The following FNDC3A variants were observed in gnomAD, a reference collection of about 807,000 sequenced individuals.
FNDC3A encodes the protein fibronectin type III domain containing 3A, also known as fibronectin type-III domain-containing protein 3A.
Under a neutral mutation model 148.9 loss-of-function variants are expected in FNDC3A, and 32 were observed. The observed-to-expected ratio is 0.21, with a 90% confidence interval of 0.16 to 0.29. The LOEUF (loss-of-function observed/expected upper bound fraction) is 0.29. Ranked by LOEUF, FNDC3A falls within the 10% of genes least tolerant of loss-of-function variation. The pLI is 1.00. For missense variants in FNDC3A, 1,191 were observed against 1,452.8 expected, an observed-to-expected ratio of 0.82 and a Z score of 2.93; for synonymous variants, 472 against 473.6, an observed-to-expected ratio of 1.00 and a Z score of 0.04.
At position 49,081,724 on chromosome 13, in the gene FNDC3A, T is replaced by C. The variant is rs976135362; in HGVS notation, c.175+6360T>C. Among the ~76,000 whole-genome samples the C allele has an allele frequency of 3.3e-5, 5 of 152,180 alleles. No homozygotes were observed. The East Asian group carries it at 9.6e-4, about 29-fold the overall frequency. ...CATTATAATTTTTCTGCAAAGTGGC[T>C]TCTACAAAAACAAAGACCTTATATT... On this transcript the variant is annotated intron_variant, in intron 3 of 25. Transcript: ENST00000492622.
At chr13:49,057,811 A>G (rs1876362289) in intron 2 of FNDC3A, among the ~76,000 whole-genome samples, 1 of 152,194 alleles carries the variant, frequency 6.6e-6, no homozygotes, top group Non-Finnish European at 1.5e-5. Flanking sequence ...ATTTTGTTTT[A>G]GTTAACTAGC....
chr13:49,137,128 A>G (rs1332679906), intron 6 of FNDC3A, among the ~76,000 whole-genome samples: 1 of 152,048 alleles, frequency 6.6e-6, no homozygotes, highest in Non-Finnish European at 1.5e-5. Context: ...TCCCCAACCT[A>G]TCAAAACTTT....
chr13:49,145,231 G>C (rs1436007001), intron 7 of FNDC3A, among the ~76,000 whole-genome samples: 3 of 152,124 alleles, frequency 2.0e-5, no homozygotes, highest in Admixed American at 2.0e-4. Context: ...ACCACACTTA[G>C]AGAGTGCCAT....
At chr13:49,024,367 C>T (rs538599484) in intron 2 of FNDC3A, among the ~76,000 whole-genome samples, 8 of 151,968 alleles carry the variant, frequency 5.3e-5, no homozygotes, top group Admixed American at 3.9e-4. Context: ...TGTTCCTAAC[C>T]ATTTCCATGA....
chr13:49,045,061 TTTTCCTTTCCCTTTCCC>T lies in FNDC3A; in HGVS notation c.100-30207_100-30191del, dbSNP rs1436490163. ...CTTTCCCTTTTCCTTTCCCTTTCCC[TTTTCCTTTCCCTTTCCC>T]TTTCCTTTCCCTTTCCCTTTGCCTT... On this transcript the variant is annotated intron_variant, in intron 2 of 25. Coordinates refer to ENST00000492622, the MANE Select transcript of FNDC3A (RefSeq NM_001079673.2). The T allele has an allele frequency of 2.9e-3, 192 of 66,080 alleles. 1 individual carries two copies. Among genetic ancestry groups the T allele is most frequent in the South Asian group, 0.018 (127 of 6,976 alleles). The allele number at this position is 66,080 out of a possible 1,614,324, so 4.1% of individuals were successfully genotyped here. A position where few individuals can be genotyped will look rare whatever the true frequency, so the allele number is the denominator to read the frequency against.
chr13:49,172,132 A>G (rs915518751), intron 11 of FNDC3A, 36 bp downstream of exon 11: 6 of 1,290,726 alleles, frequency 4.6e-6, no homozygotes, highest in Non-Finnish European at 4.4e-6. Context: ...GGTTAACATT[A>G]TGTGCATATG....
intron 14 of FNDC3A, among the ~76,000 whole-genome samples, chr13:49,181,489 A>C (rs1353343778): frequency 6.6e-6 from 1 of 152,162 alleles, no homozygotes; most frequent in Non-Finnish European, 1.5e-5. Context: ...ATCCTTGCCA[A>C]AATTTGGAAA....
intron 2 of FNDC3A, among the ~76,000 whole-genome samples, chr13:49,013,399 T>C (rs1313003189): frequency 6.6e-6 from 1 of 152,068 alleles, no homozygotes; most frequent in Admixed American, 6.5e-5. Flanking sequence ...TATTATACTT[T>C]AAGTTTTAGG....
chr13:49,133,243 G>T (rs1450612309), intron 5 of FNDC3A, among the ~76,000 whole-genome samples: 1 of 152,102 alleles, frequency 6.6e-6, no homozygotes, highest in Non-Finnish European at 1.5e-5. Context: ...AGTTTATACT[G>T]CAGATTAGTC....
Position 49,191,043 on chromosome 13 carries a change from C to T in FNDC3A, c.1973C>T (p.Pro658Leu). Residue 658 changes from proline to leucine, a missense_variant, in exon 18 of 26, where the codon CCA (proline) becomes CTA (leucine). By Grantham distance (98) the Pro-to-Leu change is moderately conservative. Transcript: ENST00000492622. ...TCTGAATCTTTACTTGTGCAGACTC[C>T]AGCTGTGCCTCCTGGCCCATGCCTC... ...AVSESLLVQTPAVPPGPCLPP... is the reference protein window; with the variant it reads ...AVSESLLVQTLAVPPGPCLPP... The T allele has an allele frequency of 6.2e-7, 1 of 1,613,568 alleles. No homozygotes were observed. Among genetic ancestry groups the T allele is most frequent in the Non-Finnish European group, 8.5e-7 (1 of 1,179,860 alleles).
chr13:49,157,507 T>G (rs1883774069), intron 8 of FNDC3A, among the ~76,000 whole-genome samples: 1 of 149,206 alleles, frequency 6.7e-6, no homozygotes. Context: ...GTCTGAAGCC[T>G]TCTTCTCTCA....
At chr13:49,094,052 TGA>T (rs1879366846) in intron 3 of FNDC3A, among the ~76,000 whole-genome samples, 1 of 152,160 alleles carries the variant, frequency 6.6e-6, no homozygotes, top group African/African-American at 2.4e-5. Context: ...ACACTGAGTA[TGA>T]GAGTTTGAAA....
chr13:49,036,080 AT>A (rs1281507746), intron 2 of FNDC3A, among the ~76,000 whole-genome samples: 1 of 152,138 alleles, frequency 6.6e-6, no homozygotes, highest in East Asian at 1.9e-4. Context: ...TAATTTAGAC[AT>A]TTGTGAATTG....
At chr13:48,985,703 A>G (rs1049387572) in intron 1 of FNDC3A, among the ~76,000 whole-genome samples, 12 of 152,370 alleles carry the variant, frequency 7.9e-5, no homozygotes, top group Non-Finnish European at 1.6e-4. Context: ...TTTCACTTAC[A>G]TAACAACCAA....
intron 19 of FNDC3A, among the ~76,000 whole-genome samples, chr13:49,193,065 A>G (rs1304754687): frequency 6.6e-6 from 1 of 152,180 alleles, no homozygotes; most frequent in Non-Finnish European, 1.5e-5. Context: ...GGACTTGAGG[A>G]ACAGAATCCT....
intron 12 of FNDC3A, 52 bp downstream of exon 12, chr13:49,174,611 C>T (rs372848522): frequency 3.1e-5 from 46 of 1,466,498 alleles, no homozygotes; most frequent in African/African-American, 2.0e-4. Flanking sequence ...ATCAAGTCAA[C>T]GTCAATTGTA....
rs375867038 is a variant in FNDC3A at position 49,057,281 on chromosome 13, T to G, written c.100-18008T>G. On this transcript the variant is annotated intron_variant, in intron 2 of 25. Coordinates refer to ENST00000492622, the MANE Select transcript of FNDC3A (RefSeq NM_001079673.2). ...TCTGTTGAAGGTAGAAGGGTTCTAA[T>G]TATTCTTTTACTAAATGCGTAGTCT... Among the ~76,000 whole-genome samples, 145 of 152,326 alleles carry G rather than the reference T, an allele frequency of 9.5e-4. 1 individual carries two copies. The highest frequency in any genetic ancestry group is 3.3e-3 in the African/African-American group (139 of 41,570).
At chr13:49,044,688 A>T in intron 2 of FNDC3A, 1 of 237,720 alleles carries the variant, frequency 4.2e-6, no homozygotes, top group Non-Finnish European at 9.0e-6. Flanking sequence ...AAAAGAAAGA[A>T]AAATCTGAGC....
intron 4 of FNDC3A, among the ~76,000 whole-genome samples, chr13:49,123,475 A>G (rs1462684499): frequency 6.6e-6 from 1 of 152,212 alleles, no homozygotes; most frequent in East Asian, 1.9e-4. Flanking sequence ...AGCTATGGCA[A>G]CAAAAGCCAA....
Sources: gnomAD v4.1 joint callset for allele counts (sites outside exome capture counted in the v4.1 genomes callset) on GRCh38, gnomAD v4.1.1 for gene constraint, MANE v1.5 for transcripts, NCBI Gene and HGNC (gene_info 2026-07-23, HGNC 2026-07-21) for gene names.